Variants in NXF1 observed in about 807,000 individuals in gnomAD.
The protein encoded by NXF1 is nuclear RNA export factor 1, also known as mRNA export factor TAP.
In NXF1, 43 loss-of-function variants were observed where a neutral mutation model predicts 92.4. That is an observed-to-expected ratio of 0.47 (90% CI 0.36 to 0.60). NXF1 has a LOEUF of 0.60. Among genes scored for constraint, NXF1 ranks in the 20% least tolerant of loss-of-function variants. The probability of loss-of-function intolerance (pLI) is 0.00; values close to 1 mark genes in which losing one functional copy is unlikely to be tolerated. For synonymous variants in NXF1, 288 were observed against 292.2 expected (o/e 0.99, Z 0.15); for missense variants, 576 against 793.0 (o/e 0.73, Z 3.29).
At position 62,796,277 on chromosome 11, in the gene NXF1, A is replaced by G; in HGVS notation, c.1345+10T>C. 6.2e-7 allele frequency: 1 copy of G among 1,614,100 alleles called. No homozygotes were observed. The highest frequency in any genetic ancestry group is 8.5e-7 in the Non-Finnish European group (1 of 1,179,968). ...CCTTTTCCCATATTTTGTTCGTATC[A>G]CACACTTACTAGGGTCTTTAAGCTT... On this transcript the variant is annotated intron_variant, in intron 15 of 20. Coordinates refer to ENST00000294172, the MANE Select transcript of NXF1 (RefSeq NM_006362.5).
At chr11:62,800,311 G>A (rs2084465004) in intron 10 of NXF1, 66 bp downstream of exon 10, 1 of 1,611,126 alleles carries the variant, frequency 6.2e-7, no homozygotes, top group African/African-American at 1.3e-5. Context: ...CCCTGGTCAG[G>A]ATGCATTAGC....
At chr11:62,799,851 C>A (rs576455150) in intron 10 of NXF1, 6 of 986,622 alleles carry the variant, frequency 6.1e-6, no homozygotes, top group Non-Finnish European at 7.2e-6. Flanking sequence ...GAGGCCTCAA[C>A]CTCAGCATGG....
At chr11:62,799,001 A>C in intron 10 of NXF1, 1 of 1,008,922 alleles carries the variant, frequency 9.9e-7, no homozygotes, top group Non-Finnish European at 1.2e-6. Flanking sequence ...CAAACACACC[A>C]CAGGGATGGC....
chr11:62,792,331 A>G lies in NXF1; in HGVS notation c.*145T>C. On this transcript the variant is annotated 3_prime_UTR_variant, in exon 21 of 21. Coordinates refer to ENST00000294172, the MANE Select transcript of NXF1 (RefSeq NM_006362.5). ...TCTGAAGTCTTCCAGAAGGCAGGCG[A>G]GGAGAGGGATCAGGCAGCCCTCCCT... 2 of 964,362 alleles carry G rather than the reference A, an allele frequency of 2.1e-6. No individual in the cohort carries two copies. Among genetic ancestry groups the G allele is most frequent in the Non-Finnish European group, 3.3e-6 (2 of 605,240 alleles). The allele number at this position is 964,362 out of a possible 1,614,324, so 59.7% of individuals were successfully genotyped here.
At position 62,796,611 on chromosome 11, in the gene NXF1, A is replaced by G. The variant is rs370420810; in HGVS notation, c.1179-44T>C. ...AGAAAGTATGGGCTCTGTGGTCTAC[A>G]GCCATACAAGGACCCAGTAGCTCCC... On this transcript the variant is annotated intron_variant, in intron 13 of 20. Transcript: ENST00000294172. The G allele has an allele frequency of 9.0e-6, 12 of 1,335,410 alleles. No individual in the cohort carries two copies. The African/African-American group carries it at 1.6e-4, about 18-fold the overall frequency. 82.7% of individuals were successfully genotyped at this position (1,335,410 alleles called of 1,614,324 possible).
chr11:62,803,665 G>A (rs1224628979), intron 2 of NXF1, 93 bp from the exon 3 acceptor site: 31 of 1,553,270 alleles, frequency 2.0e-5, no homozygotes, highest in Non-Finnish European at 2.6e-5. Context: ...AACTAAGACT[G>A]TTTAATCACT....
chr11:62,803,566 G>A lies in NXF1; in HGVS notation c.222C>T (p.Pro74=). 1 of 1,614,050 alleles carries A rather than the reference G, an allele frequency of 6.2e-7. No homozygotes were observed. The highest frequency in any genetic ancestry group is 8.5e-7 in the Non-Finnish European group (1 of 1,180,026). ...AQDGPRVRYN[P]YTTRPNRRGD... is the part of the protein sequence containing the mutation. ...CCCGACGGTTAGGTCGGGTGGTATA[G>A]GGGTTGCTGTGGGTAAGCAGAGAAT... Residue 74 remains proline (P), a synonymous_variant, in exon 3 of 21, where the codon CCC becomes CCT. Transcript: ENST00000294172.
rs185052975 is a variant in NXF1, at chr11:62,792,943, T to C, written c.1761-242A>G. On this transcript the variant is annotated intron_variant, in intron 19 of 20. Coordinates refer to ENST00000294172, the MANE Select transcript of NXF1 (RefSeq NM_006362.5). ...TAGTTTTTACAGTGGTAGGGAAAGA[T>C]GTTCATGGTGTAAGTAAAGAAACTA... is the stretch of plus-strand genomic sequence containing the variant. Among the ~76,000 whole-genome samples the C allele has an allele frequency of 5.9e-5, 9 of 152,182 alleles. No individual in the cohort carries two copies. In the East Asian group the frequency reaches 1.7e-3, roughly 29 times the overall value.
intron 11 of NXF1, 33 bp downstream of exon 11, chr11:62,798,506 G>C: frequency 6.2e-7 from 1 of 1,613,492 alleles, no homozygotes; most frequent in East Asian, 2.2e-5. Flanking sequence ...GAGAGATGCT[G>C]TGCTTGTTAG....
chr11:62,800,044 G>A (rs2084461492), intron 10 of NXF1: 1 of 1,138,738 alleles, frequency 8.8e-7, no homozygotes, highest in East Asian at 5.4e-5. Flanking sequence ...TATAGGGTAT[G>A]TACAAGATAC....
chr11:62,796,181 G>T lies in NXF1; in HGVS notation c.1346C>A (p.Thr449Asn), dbSNP rs2084418474. Reference sequence around the variant, plus strand: ...GTGCTTCAGCAGCCGGAACCGCAAGGCTGTGGGTAGAGGAGAAAGCTCAGT... The same window carrying T: ...GTGCTTCAGCAGCCGGAACCGCAAGTCTGTGGGTAGAGGAGAAAGCTCAGT... Reference protein sequence around the residue: ...SRNVKKLKDPTLRFRLLKHTR... With the variant: ...SRNVKKLKDPNLRFRLLKHTR... The change falls in exon 16 of 21, where the codon ACC becomes AAC. Residue 449 changes from threonine (T) to asparagine (N), a missense_variant and splice_region_variant. Thr to Asn is a moderately conservative substitution (Grantham distance 65). Transcript: ENST00000294172. 6 of 1,614,134 alleles carry T rather than the reference G, an allele frequency of 3.7e-6. No homozygotes were observed. The highest frequency in any genetic ancestry group is 3.4e-6 in the Non-Finnish European group (4 of 1,179,980).
Position 62,805,435 on chromosome 11 carries a change from C to A in NXF1, c.-79G>T, listed in dbSNP as rs1333917715. The A allele has an allele frequency of 1.3e-6, 2 of 1,592,312 alleles. No homozygotes were observed. Among genetic ancestry groups the A allele is most frequent in the African/African-American group, 1.4e-5 (1 of 73,950 alleles). ...AACCTAACTCCCAAGCGCTCAGGAC[C>A]GAAGTGTCCCTACGCCGGGCGCCAC... is the stretch of plus-strand genomic sequence containing the variant. On this transcript the variant is annotated 5_prime_UTR_variant, in exon 1 of 21. Transcript: ENST00000294172.
rs771928920 is a variant in NXF1 at position 62,801,587 on chromosome 11, G to A, written c.684C>T (p.Asp228=). ...CTGGGTCTGAACGGAGGCCTTTGAG[G>A]TCAAGGGCTTGTTGGGAGCCATCGT... The part of the protein sequence containing the change: ...KRYDGSQQAL[D]LKGLRSDPDL... Residue 228 remains aspartate, a synonymous_variant, in exon 7 of 21, where the codon GAC becomes GAT. Transcript: ENST00000294172. 3 of 1,614,168 alleles carry A rather than the reference G, an allele frequency of 1.9e-6. No homozygotes were observed. Among genetic ancestry groups the A allele is most frequent in the East Asian group, 4.5e-5 (2 of 44,886 alleles).
chr11:62,792,493 C>T lies in NXF1; in HGVS notation c.1843G>A (p.Val615Met), dbSNP rs1276603151. The change falls in exon 21 of 21, where the codon GTG becomes ATG. Residue 615 changes from valine (V) to methionine (M), a missense_variant. Physicochemically the swap from Val to Met is conservative, Grantham distance 21 (BLOSUM62 1). This residue lies in a region of NXF1 where 425 missense variants were observed against 635.2 expected (regional missense o/e 0.67). Transcript: ENST00000294172. ...GACTACGATCACTTCATGAATGCCA[C>T]TTCTGGGATCTCGCCCTTGGCCTGG... ...HLKAKGEIPE[V>M]AFMK 6.2e-7 allele frequency: 1 copy of T among 1,614,118 alleles called. No individual in the cohort carries two copies. The highest frequency in any genetic ancestry group is 1.3e-5 in the African/African-American group (1 of 74,930).
intron 11 of NXF1, among the ~76,000 whole-genome samples, chr11:62,797,853 C>A (rs1590951370): frequency 6.6e-6 from 1 of 152,238 alleles, no homozygotes; most frequent in Non-Finnish European, 1.5e-5. Flanking sequence ...CCAGGCTGGG[C>A]GCAGTGGCTC....
rs1291717558 is a variant in NXF1, at chr11:62,803,715, G to A, written c.215+77C>T. The stretch of plus-strand genomic sequence containing the variant: ...ATTTCTCACTCTAACAGGTGGGAAA[G>A]GAAATGACATGGACAGTAAAAGGGC... On this transcript the variant is annotated intron_variant, in intron 2 of 20. Transcript: ENST00000294172. The A allele has an allele frequency of 2.6e-6, 4 of 1,553,984 alleles. No individual in the cohort carries two copies. In the African/African-American group the frequency reaches 5.4e-5, roughly 21 times the overall value.
rs774980391 is a variant in NXF1, at chr11:62,797,157, G to A, written c.1178+26C>T. On this transcript the variant is annotated intron_variant, in intron 13 of 20. Transcript: ENST00000294172. ...ACCATTCCCCCTCAACCTCGGGGTG[G>A]GGAGGGGGGACCCTGGGATACTTAC... 19 of 1,607,496 alleles carry A rather than the reference G, an allele frequency of 1.2e-5. No individual in the cohort carries two copies. The South Asian group carries it at 2.1e-4, about 18-fold the overall frequency.
intron 10 of NXF1, chr11:62,798,815 A>G: frequency 7.5e-7 from 1 of 1,333,560 alleles, no homozygotes; most frequent in Non-Finnish European, 9.6e-7. Flanking sequence ...AGTGTCAAGG[A>G]GCAGTACTCC....
intron 15 of NXF1, 49 bp from the exon 16 acceptor site, chr11:62,796,230 TCTGA>T (rs1565198229): frequency 3.1e-6 from 5 of 1,613,232 alleles, no homozygotes; most frequent in African/African-American, 1.3e-5. Context: ...ACTCCTGAGT[TCTGA>T]CTGATTCCTT....
Sources: gnomAD v4.1 joint callset for allele counts (sites outside exome capture counted in the v4.1 genomes callset) on GRCh38, gnomAD v4.1.1 for gene constraint, gnomAD v4.1.1 regional missense constraint, MANE v1.5 for transcripts, NCBI Gene and HGNC (gene_info 2026-07-23, HGNC 2026-07-21) for gene names.